USP2: variants seen among roughly 807,000 people sequenced by gnomAD.
USP2 encodes the protein ubiquitin specific peptidase 2, also known as ubiquitin carboxyl-terminal hydrolase 2.
In USP2, 33 loss-of-function variants were observed where a neutral mutation model predicts 72.0. The observed-to-expected ratio is 0.46, with a 90% CI of 0.35 to 0.61. The LOEUF is 0.61. Among genes scored for constraint, USP2 ranks in the 20% least tolerant of loss-of-function variants. USP2 has a pLI of 0.01. For synonymous variants in USP2, 296 were observed against 312.5 expected (o/e 0.95, Z 0.56); for missense variants, 691 against 797.8 (o/e 0.87, Z 1.61).
In USP2 at chr11:119,357,738, T is replaced by C; in HGVS notation, c.1501+19A>G. On this transcript the variant is annotated intron_variant, in intron 10 of 12. Coordinates refer to ENST00000260187, the MANE Select transcript of USP2 (RefSeq NM_004205.5). ...ACCCTTGAAAGTCATGTCCCAGCCCTGATGGATCTTAAGGATACGGAGCAC... is the reference window on the plus strand; with the variant it reads ...ACCCTTGAAAGTCATGTCCCAGCCCCGATGGATCTTAAGGATACGGAGCAC... 6.2e-7 allele frequency: 1 copy of C among 1,613,702 alleles called. No homozygotes were observed. Among genetic ancestry groups the C allele is most frequent in the Non-Finnish European group, 8.5e-7 (1 of 1,180,034 alleles).
intron 2 of USP2, among the ~76,000 whole-genome samples, chr11:119,362,941 G>C (rs1950785939): frequency 6.6e-6 from 1 of 152,254 alleles, no homozygotes; most frequent in Admixed American, 6.5e-5. Context: ...TCACCTTCTA[G>C]AGGAGAGGAG....
rs1221310418 is a variant in USP2 at position 119,355,586 on chromosome 11, T to A, written c.*1249A>T. ...CAGGCTCCAGCTCCCAGGGCAGGAC[T>A]GGAGACCAGCGCTAAGAAGAGCTGA... On this transcript the variant is annotated 3_prime_UTR_variant, in exon 13 of 13. Transcript: ENST00000260187. 1.3e-5 allele frequency: 2 copies of A among 151,994 alleles called. No individual in the cohort carries two copies. Among genetic ancestry groups the A allele is most frequent in the African/African-American group, 4.8e-5 (2 of 41,318 alleles). 9.4% of individuals were successfully genotyped at this position (151,994 alleles called of 1,614,324 possible).
intron 1 of USP2, 74 bp downstream of exon 1, chr11:119,381,399 C>A (rs1951056589): frequency 6.8e-6 from 10 of 1,474,496 alleles, no homozygotes; most frequent in Non-Finnish European, 8.2e-6. Flanking sequence ...GTCGTGGACA[C>A]CTTACTTTCT....
intron 1 of USP2, among the ~76,000 whole-genome samples, chr11:119,378,645 A>G (rs116813686): frequency 0.016 from 2,417 of 152,238 alleles, 66 homozygotes; most frequent in African/African-American, 0.055. Flanking sequence ...GGCCCAGGGC[A>G]GTTTCTATAG....
intron 1 of USP2, chr11:119,379,170 T>G (rs1308502383): frequency 1.0e-6 from 1 of 985,334 alleles, no homozygotes; most frequent in Admixed American, 6.1e-5. Context: ...CCTCGCAGAC[T>G]CGCAGAGATG....
chr11:119,374,027 G>T (rs577965955), intron 1 of USP2, among the ~76,000 whole-genome samples: 2 of 152,244 alleles, frequency 1.3e-5, no homozygotes, highest in Non-Finnish European at 2.9e-5. Flanking sequence ...ATGACCTGAA[G>T]ATCATTTGGT....
chr11:119,373,876 C>A (rs1950967938), intron 1 of USP2, among the ~76,000 whole-genome samples: 1 of 152,228 alleles, frequency 6.6e-6, no homozygotes, highest in African/African-American at 2.4e-5. Flanking sequence ...TCAGCATCTG[C>A]AGAAACTCTT....
chr11:119,357,943 C>A lies in USP2; in HGVS notation c.1422+38G>T, dbSNP rs768190292. 59 of 1,613,858 alleles carry A rather than the reference C, an allele frequency of 3.7e-5. 1 individual carries two copies. Among genetic ancestry groups the A allele is most frequent in the Non-Finnish European group, 4.6e-5 (54 of 1,179,888 alleles). On this transcript the variant is annotated intron_variant, in intron 9 of 12. Transcript: ENST00000260187. ...ATCAGCCTCTTCCCAGTAGGTCCCACGGAAATTTGTTCTTGCTATTACCGA... is the reference window on the plus strand; with the variant it reads ...ATCAGCCTCTTCCCAGTAGGTCCCAAGGAAATTTGTTCTTGCTATTACCGA...
At chr11:119,377,476 G>A in intron 1 of USP2, among the ~76,000 whole-genome samples, 1 of 152,176 alleles carries the variant, frequency 6.6e-6, no homozygotes, top group Non-Finnish European at 1.5e-5. Flanking sequence ...CACTGCAGGT[G>A]AATGAAAGTG....
intron 10 of USP2, 65 bp downstream of exon 10, chr11:119,357,692 A>G (rs1033591051): frequency 3.1e-6 from 5 of 1,613,400 alleles, no homozygotes; most frequent in Non-Finnish European, 4.2e-6. Flanking sequence ...CCCCTCACCT[A>G]TGGGCCCCTT....
At chr11:119,358,963 T>C in intron 6 of USP2, 61 bp downstream of exon 6, 2 of 1,587,990 alleles carry the variant, frequency 1.3e-6, no homozygotes, top group South Asian at 1.1e-5. Context: ...CCCAAAGTGG[T>C]GGGTAAAAAT....
At chr11:119,371,669 G>A (rs779256478) in intron 2 of USP2, among the ~76,000 whole-genome samples, 1 of 152,138 alleles carries the variant, frequency 6.6e-6, no homozygotes, top group Non-Finnish European at 1.5e-5. Flanking sequence ...TCTTGCTGTG[G>A]CATGCTGTTG....
In USP2 at chr11:119,360,164, GCAGGC is replaced by G; in HGVS notation, c.825+15_825+19del. The G allele has an allele frequency of 6.2e-7, 1 of 1,612,364 alleles. No homozygotes were observed. Among genetic ancestry groups the G allele is most frequent in the Non-Finnish European group, 8.5e-7 (1 of 1,179,518 alleles). ...AGTAGGGGGTGGGCCTGGGGAAGAAGCAGGCCAGGAAAAACTCACCGTGTTCCCAA... is the reference window on the plus strand; with the variant it reads ...AGTAGGGGGTGGGCCTGGGGAAGAAGCAGGAAAAACTCACCGTGTTCCCAA... On this transcript the variant is annotated intron_variant, in intron 3 of 12. Coordinates refer to ENST00000260187, the MANE Select transcript of USP2 (RefSeq NM_004205.5).
rs576148112 is a variant in USP2, at chr11:119,366,879, T to C, written c.774+5828A>G. Among the ~76,000 whole-genome samples, 29 of 152,318 alleles carry C rather than the reference T, an allele frequency of 1.9e-4. No individual in the cohort carries two copies. The East Asian group carries it at 4.2e-3, about 22-fold the overall frequency. ...GGGTGTTCTGCCAGCTTGCTCTCCC[T>C]CTTCCCTGGGATTTAGGAGGTTAGA... On this transcript the variant is annotated intron_variant, in intron 2 of 12. Transcript: ENST00000260187.
In USP2 at chr11:119,376,392, C is replaced by G. The variant is rs959568137; in HGVS notation, c.-41-2871G>C. The G allele has an allele frequency of 1.2e-5, 12 of 985,650 alleles. No homozygotes were observed. In the African/African-American group the frequency reaches 2.1e-4, roughly 17 times the overall value. The allele number at this position is 985,650 out of a possible 1,614,324, so 61.1% of individuals were successfully genotyped here. A position where few individuals can be genotyped will look rare whatever the true frequency, so the allele number is the denominator to read the frequency against. ...TGAACTGAATGGCCCTTTCATGGGGCAGTGGGAGGCAAGCCAATTGGCTGG... is the reference window on the plus strand; with the variant it reads ...TGAACTGAATGGCCCTTTCATGGGGGAGTGGGAGGCAAGCCAATTGGCTGG... On this transcript the variant is annotated intron_variant, in intron 1 of 12. Coordinates refer to ENST00000260187, the MANE Select transcript of USP2 (RefSeq NM_004205.5).
chr11:119,359,502 G>A (rs1009455650), intron 4 of USP2, 35 bp downstream of exon 4: 29 of 1,612,222 alleles, frequency 1.8e-5, no homozygotes, highest in Admixed American at 1.2e-4. Context: ...GAGCATCCGG[G>A]GGTAGGCAGG....
intron 1 of USP2, among the ~76,000 whole-genome samples, chr11:119,375,277 G>A (rs138161083): frequency 1.3e-3 from 204 of 152,346 alleles, no homozygotes; most frequent in African/African-American, 4.6e-3. Flanking sequence ...AAGGCTTTGG[G>A]GTAGGTACAG....
intron 2 of USP2, among the ~76,000 whole-genome samples, chr11:119,372,434 T>A (rs1950940203): frequency 6.6e-6 from 1 of 152,180 alleles, no homozygotes; most frequent in African/African-American, 2.4e-5. Context: ...GAAGAGTGGT[T>A]CATTGGGCGC....
At chr11:119,358,612 G>A (rs1032022916) in intron 7 of USP2, 161 bp downstream of exon 7, 39 of 894,962 alleles carry the variant, frequency 4.4e-5, no homozygotes, top group Non-Finnish European at 6.9e-5. Context: ...CACCATGCCC[G>A]GCCTGCACAG....
Sources: gnomAD v4.1 joint callset for allele counts (sites outside exome capture counted in the v4.1 genomes callset) on GRCh38, gnomAD v4.1.1 for gene constraint, MANE v1.5 for transcripts, NCBI Gene and HGNC (gene_info 2026-07-23, HGNC 2026-07-21) for gene names.